The following GABRB1 variants were observed in gnomAD, a reference collection of about 807,000 sequenced individuals.
GABRB1 encodes the protein gamma-aminobutyric acid type A receptor subunit beta1.
In GABRB1, 17 loss-of-function variants were observed where a neutral mutation model predicts 51.6. That is an observed-to-expected ratio of 0.33 (90% CI 0.23 to 0.49). The LOEUF (loss-of-function observed/expected upper bound fraction) is 0.49, where lower values mean the gene tolerates loss of function less well. GABRB1 is among the 20% of genes least tolerant of loss of function. The pLI, the probability that GABRB1 is intolerant of heterozygous loss-of-function variation, is 0.99. For missense variants in GABRB1, 410 were observed against 600.6 expected, an observed-to-expected ratio of 0.68 and a Z score of 3.32; for synonymous variants, 247 against 218.9, an observed-to-expected ratio of 1.13 and a Z score of -1.14.
intron 5 of GABRB1, among the ~76,000 whole-genome samples, chr4:47,327,620 G>A (rs1265919858): frequency 1.3e-5 from 2 of 152,036 alleles, no homozygotes; most frequent in Non-Finnish European, 2.9e-5. Context: ...TTTAAAAAAT[G>A]GTTTGATAAC....
chr4:47,327,017 CTAAATTTCTTGGCTTCAA>C (rs1725286568), intron 5 of GABRB1, among the ~76,000 whole-genome samples: 1 of 152,142 alleles, frequency 6.6e-6, no homozygotes, highest in East Asian at 1.9e-4. Flanking sequence ...TGAATGTATG[CTAAATTTCTTGGCTTCAA>C]ACTTTTCAAG....
chr4:47,157,684 T>C (rs138265119), intron 3 of GABRB1, among the ~76,000 whole-genome samples: 7 of 152,266 alleles, frequency 4.6e-5, no homozygotes, highest in African/African-American at 7.2e-5. Flanking sequence ...TGTGGCTTTA[T>C]ATAGATTGTA....
chr4:47,097,843 T>A (rs1647623367), intron 3 of GABRB1, among the ~76,000 whole-genome samples: 1 of 152,180 alleles, frequency 6.6e-6, no homozygotes, highest in South Asian at 2.1e-4. Flanking sequence ...AAGCCAGTAA[T>A]TTTATAGATT....
intron 1 of GABRB1, among the ~76,000 whole-genome samples, chr4:46,995,104 A>G (rs1723946850): frequency 1.3e-5 from 2 of 152,260 alleles, no homozygotes; most frequent in South Asian, 2.1e-4. Flanking sequence ...TGGGCTAGGT[A>G]ATTTTTGCTC....
chr4:47,378,320 C>T (rs546292611), intron 5 of GABRB1, among the ~76,000 whole-genome samples: 2 of 152,334 alleles, frequency 1.3e-5, no homozygotes, highest in East Asian at 1.9e-4. Flanking sequence ...TTGCCTGGCG[C>T]GCCGGCAGGG....
At position 47,039,217 on chromosome 4, in the gene GABRB1, G is replaced by C. The variant is rs537549226; in HGVS notation, c.240+6733G>C. 2.0e-5 allele frequency among the ~76,000 whole-genome samples: 3 copies of C among 151,596 alleles called. No homozygotes were observed. In the South Asian group the frequency reaches 6.2e-4, roughly 32 times the overall value. ...TTTTAGAGTCCTCAGAGTCTTCATT[G>C]CTACTCTTCTGCTAAGTGAACCAAT... On this transcript the variant is annotated intron_variant, in intron 3 of 8. Coordinates refer to ENST00000295454, the MANE Select transcript of GABRB1 (RefSeq NM_000812.4).
chr4:47,228,510 A>T (rs1721030499), intron 4 of GABRB1, among the ~76,000 whole-genome samples: 1 of 152,104 alleles, frequency 6.6e-6, no homozygotes, highest in Admixed American at 6.6e-5. Flanking sequence ...AATTTTGGAC[A>T]TTATGTCTTT....
intron 4 of GABRB1, among the ~76,000 whole-genome samples, chr4:47,281,587 CT>C (rs1244034406): frequency 2.6e-5 from 4 of 152,070 alleles, no homozygotes; most frequent in Non-Finnish European, 5.9e-5. Context: ...GAAGAGATAT[CT>C]GCACTTCTAT....
chr4:47,034,833 TG>T (rs1431159449), intron 3 of GABRB1, among the ~76,000 whole-genome samples: 1 of 152,170 alleles, frequency 6.6e-6, no homozygotes, highest in African/African-American at 2.4e-5. Flanking sequence ...TATTATATGT[TG>T]TGATATTTAG....
intron 4 of GABRB1, among the ~76,000 whole-genome samples, chr4:47,310,060 G>T (rs1724612906): frequency 6.6e-6 from 1 of 151,782 alleles, no homozygotes; most frequent in Non-Finnish European, 1.5e-5. Flanking sequence ...ATAAACCTAG[G>T]TTGAGGCACA....
At chr4:47,262,529 A>G (rs1360496911) in intron 4 of GABRB1, among the ~76,000 whole-genome samples, 1 of 152,184 alleles carries the variant, frequency 6.6e-6, no homozygotes, top group Non-Finnish European at 1.5e-5. Flanking sequence ...GCGATCATTA[A>G]AAAGTCAGGA....
intron 3 of GABRB1, among the ~76,000 whole-genome samples, chr4:47,076,958 G>A (rs933720318): frequency 6.6e-6 from 1 of 152,102 alleles, no homozygotes; most frequent in Non-Finnish European, 1.5e-5. Flanking sequence ...CCAAATCATG[G>A]GTTAACAACC....
At chr4:47,082,697 G>A (rs1560525887) in intron 3 of GABRB1, among the ~76,000 whole-genome samples, 2 of 152,030 alleles carry the variant, frequency 1.3e-5, no homozygotes, top group African/African-American at 4.8e-5. Context: ...CTTTAAAGTA[G>A]GGATACTGGG....
intron 3 of GABRB1, among the ~76,000 whole-genome samples, chr4:47,113,531 T>C (rs2109632918): frequency 6.6e-6 from 1 of 151,908 alleles, no homozygotes; most frequent in South Asian, 2.1e-4. Flanking sequence ...AATAAGTCAA[T>C]ATAAAATTAA....
At chr4:47,207,350 C>G (rs886531827) in intron 4 of GABRB1, among the ~76,000 whole-genome samples, 21 of 152,098 alleles carry the variant, frequency 1.4e-4, no homozygotes, top group Non-Finnish European at 2.8e-4. Flanking sequence ...CAGAAAACTA[C>G]ACAGAGATAA....
At chr4:47,376,027 T>A (rs993081140) in intron 5 of GABRB1, among the ~76,000 whole-genome samples, 1 of 152,132 alleles carries the variant, frequency 6.6e-6, no homozygotes, top group East Asian at 1.9e-4. Flanking sequence ...TTGTTGAACA[T>A]GTTAAGTTTG....
chr4:47,409,693 G>A (rs1728699179), intron 8 of GABRB1, among the ~76,000 whole-genome samples: 1 of 152,222 alleles, frequency 6.6e-6, no homozygotes. Context: ...TGGGGCCTTT[G>A]CCGGGGAACT....
At chr4:47,295,846 G>C (rs966401406) in intron 4 of GABRB1, among the ~76,000 whole-genome samples, 4 of 152,230 alleles carry the variant, frequency 2.6e-5, no homozygotes, top group African/African-American at 9.6e-5. Context: ...AAATGTTAAG[G>C]GTAGCCAGAG....
intron 3 of GABRB1, among the ~76,000 whole-genome samples, chr4:47,128,105 GAT>G (rs1716247408): frequency 6.6e-6 from 1 of 151,562 alleles, no homozygotes; most frequent in Non-Finnish European, 1.5e-5. Context: ...ATCCATTTTG[GAT>G]ATAAAGATGT....
Sources: allele counts gnomAD v4.1 joint callset (sites outside exome capture counted in the v4.1 genomes callset), GRCh38; gene constraint gnomAD v4.1.1; transcripts MANE v1.5; gene names NCBI Gene and HGNC (gene_info 2026-07-23, HGNC 2026-07-21).